Variants in GHR observed in about 807,000 individuals in gnomAD.
GHR encodes the protein GH receptor.
In GHR, 35 loss-of-function variants were observed where a neutral mutation model predicts 67.1. That is an observed-to-expected ratio of 0.52 (90% CI 0.40 to 0.69). GHR has a LOEUF of 0.69. Among genes scored for constraint, GHR ranks in the 30% least tolerant of loss-of-function variants. The pLI, the probability that GHR is intolerant of heterozygous loss-of-function variation, is 0.00. For synonymous variants in GHR, 272 were observed against 269.1 expected, an observed-to-expected ratio of 1.01 and a Z score of -0.10; for missense variants, 792 against 764.6, an observed-to-expected ratio of 1.04 and a Z score of -0.42.
rs534120048 is a variant in GHR at position 42,465,868 on chromosome 5, G to A, written c.-12+41913G>A. ...TAATCAGTCTATCAACTGAAAATTCGCCTCCTTCACCCCTTTCATCAAGTG... is the reference window on the plus strand; with the variant it reads ...TAATCAGTCTATCAACTGAAAATTCACCTCCTTCACCCCTTTCATCAAGTG... On this transcript the variant is annotated intron_variant, in intron 1 of 9. Transcript: ENST00000230882. 7.6e-5 allele frequency: 56 copies of A among 736,276 alleles called. No individual in the cohort carries two copies. The East Asian group carries it at 1.1e-3, about 15-fold the overall frequency. The allele number at this position is 736,276 out of a possible 1,614,324, so 45.6% of individuals were successfully genotyped here. A position where few individuals can be genotyped will look rare whatever the true frequency, so the allele number is the denominator to read the frequency against.
chr5:42,661,857 C>A (rs1326588432), intron 3 of GHR, among the ~76,000 whole-genome samples: 1 of 152,154 alleles, frequency 6.6e-6, no homozygotes, highest in Non-Finnish European at 1.5e-5. Context: ...ATTCAGGAAA[C>A]CCATCTCACG....
chr5:42,586,656 A>G (rs1417759412), intron 2 of GHR, among the ~76,000 whole-genome samples: 1 of 152,192 alleles, frequency 6.6e-6, no homozygotes, highest in Non-Finnish European at 1.5e-5. Context: ...GTATGTCAAA[A>G]TCCAAAAGCA....
chr5:42,649,102 A>G (rs1443578756), intron 3 of GHR, among the ~76,000 whole-genome samples: 1 of 152,172 alleles, frequency 6.6e-6, no homozygotes, highest in Non-Finnish European at 1.5e-5. Context: ...CATCAGACAG[A>G]CTTGGCTTCA....
At chr5:42,598,952 A>C (rs1752222316) in intron 2 of GHR, among the ~76,000 whole-genome samples, 1 of 152,242 alleles carries the variant, frequency 6.6e-6, no homozygotes, top group Non-Finnish European at 1.5e-5. Context: ...TGAATATAAA[A>C]TATGAAAAGC....
At chr5:42,686,117 T>A (rs1179777365) in intron 3 of GHR, among the ~76,000 whole-genome samples, 2 of 151,808 alleles carry the variant, frequency 1.3e-5, no homozygotes, top group Non-Finnish European at 3.0e-5. Context: ...TTAATTTTTG[T>A]ATAAGATGAA....
chr5:42,553,176 G>A (rs572658013), intron 1 of GHR, among the ~76,000 whole-genome samples: 1 of 152,302 alleles, frequency 6.6e-6, no homozygotes, highest in East Asian at 1.9e-4. Context: ...TTGTCCCACA[G>A]TTCCATATGT....
intron 2 of GHR, among the ~76,000 whole-genome samples, chr5:42,568,472 A>C (rs1750079677): frequency 6.6e-6 from 1 of 152,206 alleles, no homozygotes; most frequent in South Asian, 2.1e-4. Flanking sequence ...AGGGCTTCAC[A>C]TGGTTGACCT....
chr5:42,718,470 G>A lies in GHR; in HGVS notation c.963G>A (p.Glu321=), dbSNP rs1299134574. 6.2e-7 allele frequency: 1 copy of A among 1,609,946 alleles called. No homozygotes were observed. The highest frequency in any genetic ancestry group is 2.2e-5 in the East Asian group (1 of 44,868). Residue 321 remains glutamate (E), a synonymous_variant, in exon 10 of 10, where the codon GAG becomes GAA. Transcript: ENST00000230882. ...PDLLKEGKLE[E]VNTILAIHDS... ...TTTTCTAGGAAGGAAAATTAGAGGA[G>A]GTGAACACAATCTTAGCCATTCATG...
At chr5:42,459,322 C>T (rs1213988071) in intron 1 of GHR, among the ~76,000 whole-genome samples, 1 of 152,124 alleles carries the variant, frequency 6.6e-6, no homozygotes, top group Non-Finnish European at 1.5e-5. Flanking sequence ...CCATGGAATA[C>T]CATGCAGCCA....
At chr5:42,513,305 G>A (rs528429062) in intron 1 of GHR, among the ~76,000 whole-genome samples, 36 of 152,124 alleles carry the variant, frequency 2.4e-4, no homozygotes, top group Non-Finnish European at 5.9e-5. Context: ...TAGGAAATAC[G>A]CAGCTTTTGC....
chr5:42,484,611 T>C (rs1745798524), intron 1 of GHR, among the ~76,000 whole-genome samples: 2 of 152,228 alleles, frequency 1.3e-5, no homozygotes, highest in Admixed American at 1.3e-4. Context: ...GAACTGTTTT[T>C]AAATTCAAAA....
Position 42,430,999 on chromosome 5 carries a change from C to T in GHR, c.-12+7044C>T, listed in dbSNP as rs147938018. On this transcript the variant is annotated intron_variant, in intron 1 of 9. Transcript: ENST00000230882. ...TTTGCAGTTTTTGCCAACTATTTAA[C>T]CTTCCTGGGCTTCATATTTCTTGTA... Among the ~76,000 whole-genome samples the T allele has an allele frequency of 2.7e-3, 405 of 152,242 alleles. 4 individuals carry two copies. Among genetic ancestry groups the T allele is most frequent in the African/African-American group, 9.4e-3 (390 of 41,542 alleles).
chr5:42,661,433 G>C lies in GHR; in HGVS notation c.137-27457G>C, dbSNP rs548287665. Among the ~76,000 whole-genome samples the C allele has an allele frequency of 2.3e-3, 357 of 152,332 alleles. 4 individuals carry two copies. The highest frequency in any genetic ancestry group is 4.6e-3 in the Admixed American group (70 of 15,304). On this transcript the variant is annotated intron_variant, in intron 3 of 9. Coordinates refer to ENST00000230882, the MANE Select transcript of GHR (RefSeq NM_000163.5). ...GGCAGAAACTCTACAAGCCAGAAGA[G>C]AGTGGGGGCCAATATTCAACATTCT... is the stretch of plus-strand genomic sequence containing the variant.
At chr5:42,644,399 C>T (rs1754627306) in intron 3 of GHR, among the ~76,000 whole-genome samples, 1 of 151,972 alleles carries the variant, frequency 6.6e-6, no homozygotes, top group African/African-American at 2.4e-5. Flanking sequence ...TTTAAGATTG[C>T]AGTAAGCTGA....
intron 1 of GHR, among the ~76,000 whole-genome samples, chr5:42,460,854 C>G (rs1193066343): frequency 6.6e-6 from 1 of 152,102 alleles, no homozygotes. Flanking sequence ...TCAATGAAGA[C>G]CAGTTGCCAT....
At chr5:42,492,610 TTAAC>T (rs1746161128) in intron 1 of GHR, among the ~76,000 whole-genome samples, 1 of 152,206 alleles carries the variant, frequency 6.6e-6, no homozygotes, top group South Asian at 2.1e-4. Flanking sequence ...TTAAAAGTAA[TTAAC>T]TAGTGGTAGA....
chr5:42,462,528 T>G (rs933585997), intron 1 of GHR, among the ~76,000 whole-genome samples: 2 of 152,216 alleles, frequency 1.3e-5, no homozygotes, highest in African/African-American at 4.8e-5. Flanking sequence ...ACTATTGCTT[T>G]TTTCACCACA....
intron 1 of GHR, among the ~76,000 whole-genome samples, chr5:42,469,437 C>A (rs116210743): frequency 1.1e-3 from 160 of 151,546 alleles, no homozygotes; most frequent in African/African-American, 3.7e-3. Context: ...ACAGAACAGT[C>A]TACTGTCTGC....
In GHR at chr5:42,682,778, C is replaced by T. The variant is rs114420405; in HGVS notation, c.137-6112C>T. On this transcript the variant is annotated intron_variant, in intron 3 of 9. Transcript: ENST00000230882. ...TTCTGATATATTAAATTCATTTACT[C>T]TGTATTAATAGCATTCAAATATTTA... Among the ~76,000 whole-genome samples, 1,469 of 152,294 alleles carry T rather than the reference C, an allele frequency of 9.6e-3. 25 individuals are homozygous for T. Among genetic ancestry groups the T allele is most frequent in the African/African-American group, 0.034 (1,400 of 41,544 alleles).
Sources: gnomAD v4.1 joint callset for allele counts (sites outside exome capture counted in the v4.1 genomes callset) on GRCh38, gnomAD v4.1.1 for gene constraint, MANE v1.5 for transcripts, NCBI Gene and HGNC (gene_info 2026-07-23, HGNC 2026-07-21) for gene names.